Variants in PRDM15 observed in about 807,000 individuals in gnomAD.
PRDM15 encodes PR/SET domain 15.
Under a neutral mutation model 128.6 loss-of-function variants are expected in PRDM15, and 64 were observed. That is an observed-to-expected ratio of 0.50 (90% CI 0.41 to 0.61). The LOEUF is 0.61. Ranked by LOEUF, PRDM15 falls within the 20% of genes least tolerant of loss-of-function variation. PRDM15 has a pLI of 0.00. For missense variants in PRDM15, 1,242 were observed against 1,569.1 expected (o/e 0.79, Z 3.52); for synonymous variants, 615 against 621.8 (o/e 0.99, Z 0.16).
At chr21:41,822,546 GTGAGGCCAA>G (rs1313541826) in intron 14 of PRDM15, among the ~76,000 whole-genome samples, 1 of 152,274 alleles carries the variant, frequency 6.6e-6, no homozygotes, top group Non-Finnish European at 1.5e-5. Context: ...GCCACAGGAG[GTGAGGCCAA>G]TGCAGTCACA....
intron 5 of PRDM15, among the ~76,000 whole-genome samples, chr21:41,852,778 A>G (rs1048696503): frequency 3.9e-5 from 6 of 152,042 alleles, no homozygotes; most frequent in African/African-American, 4.8e-5. Flanking sequence ...CAGCCCTCAC[A>G]TGGCCCATAG....
chr21:41,852,254 A>G (rs982918481), intron 5 of PRDM15, among the ~76,000 whole-genome samples: 1 of 152,264 alleles, frequency 6.6e-6, no homozygotes, highest in African/African-American at 2.4e-5. Context: ...ACAAGGGGGT[A>G]AACGGCCAAG....
At chr21:41,833,983 G>A (rs559652224) in intron 11 of PRDM15, among the ~76,000 whole-genome samples, 1 of 152,342 alleles carries the variant, frequency 6.6e-6, no homozygotes, top group African/African-American at 2.4e-5. Flanking sequence ...CAAGATGAAG[G>A]TTCATCTGTC....
chr21:41,822,037 C>A lies in PRDM15; in HGVS notation c.1762G>T (p.Asp588Tyr), dbSNP rs765998166. Residue 588 changes from aspartate to tyrosine, a missense_variant and splice_region_variant, in exon 15 of 24, where the codon GAC becomes TAC. Asp to Tyr is a radical substitution (Grantham distance 160, BLOSUM62 -3). Around this residue, in one of 3 missense-constraint regions of PRDM15, gnomAD observed 602 missense variants for 788.3 expected, o/e 0.76. Transcript: ENST00000398548. The stretch of plus-strand genomic sequence containing the variant: ...TGGTGGTCATCCATCAACGCGATGT[C>A]CTGGAAAACAGCCACCACTTCCGGT... Reference protein sequence around the residue: ...LRDHIHVHFKDIALMDDHQRE... With the variant: ...LRDHIHVHFKYIALMDDHQRE... The A allele has an allele frequency of 6.2e-7, 1 of 1,613,968 alleles. No homozygotes were observed. Among genetic ancestry groups the A allele is most frequent in the Non-Finnish European group, 8.5e-7 (1 of 1,180,040 alleles).
Position 41,810,713 on chromosome 21 carries a change from C to T in PRDM15, c.2476+40G>A, listed in dbSNP as rs778873569. On this transcript the variant is annotated intron_variant, in intron 20 of 23. Coordinates refer to ENST00000398548, the MANE Select transcript of PRDM15 (RefSeq NM_001040424.3). The surrounding 1 kb of genome is among the most constrained non-coding windows in gnomAD (Gnocchi z 6.4). ...CACTCAGACAGCCCCGGCAGCCTGC[C>T]GCGTGCGCCCCGAAGGCTCCTTCAG... The T allele has an allele frequency of 2.1e-5, 33 of 1,548,738 alleles. No homozygotes were observed. Among genetic ancestry groups the T allele is most frequent in the African/African-American group, 6.8e-5 (5 of 73,706 alleles).
chr21:41,851,151 A>G (rs1284228840), intron 5 of PRDM15, among the ~76,000 whole-genome samples: 1 of 151,946 alleles, frequency 6.6e-6, no homozygotes, highest in Non-Finnish European at 1.5e-5. Context: ...CTTTTCTCCC[A>G]CCATGCAGCA....
chr21:41,815,573 T>C (rs956241921), intron 19 of PRDM15, 132 bp downstream of exon 19: 7 of 1,282,090 alleles, frequency 5.5e-6, no homozygotes, highest in East Asian at 4.9e-5. Flanking sequence ...GGAAGCTCTC[T>C]TGGGGAACCC....
chr21:41,818,521 T>TGCTG (rs924052139), intron 18 of PRDM15, among the ~76,000 whole-genome samples: 9 of 152,230 alleles, frequency 5.9e-5, no homozygotes, highest in African/African-American at 2.2e-4. Flanking sequence ...CAAGAGCCTG[T>TGCTG]GCTGGCCTCT....
At chr21:41,805,055 C>T (rs548734474) in intron 21 of PRDM15, among the ~76,000 whole-genome samples, 2 of 152,232 alleles carry the variant, frequency 1.3e-5, no homozygotes, top group Admixed American at 6.5e-5. Flanking sequence ...TGAATCCATA[C>T]ACAAGTGCTT....
Position 41,800,823 on chromosome 21 carries a change from T to C in PRDM15, c.*417A>G, listed in dbSNP as rs753710831. The C allele has an allele frequency of 7.9e-5, 13 of 164,430 alleles. No homozygotes were observed. The highest frequency in any genetic ancestry group is 1.2e-4 in the African/African-American group (5 of 42,048). 10.2% of individuals were successfully genotyped at this position (164,430 alleles called of 1,614,324 possible). On this transcript the variant is annotated 3_prime_UTR_variant, in exon 24 of 24. Coordinates refer to ENST00000398548, the MANE Select transcript of PRDM15 (RefSeq NM_001040424.3). ...CCTGTGAATACTGTCTGTGTTCTCA[T>C]AGGAACCGAGCTCTAAAAGAAAAAA...
At chr21:41,878,554 AG>A (rs1455552617) in intron 1 of PRDM15, 5 of 452,960 alleles carry the variant, frequency 1.1e-5, no homozygotes. Flanking sequence ...GCCTCACCTG[AG>A]CGGCCGGGCA....
At position 41,820,184 on chromosome 21, in the gene PRDM15, G is replaced by T; in HGVS notation, c.2061-10C>A. The T allele has an allele frequency of 6.2e-7, 1 of 1,612,742 alleles. No individual in the cohort carries two copies. ...GCAGGGGTGGATGTACCTGAAACCA[G>T]AGACAAGCTCAGGATGGCCGCACAG... On this transcript the variant is annotated splice_polypyrimidine_tract_variant and intron_variant, in intron 16 of 23. Transcript: ENST00000398548.
intron 1 of PRDM15, among the ~76,000 whole-genome samples, chr21:41,864,492 C>T (rs1405566876): frequency 2.0e-5 from 3 of 151,700 alleles, no homozygotes; most frequent in Non-Finnish European, 4.4e-5. Context: ...AAAGTAAAAA[C>T]ATCTGGATGC....
intron 6 of PRDM15, among the ~76,000 whole-genome samples, chr21:41,840,955 A>G (rs910727988): frequency 6.6e-6 from 1 of 152,222 alleles, no homozygotes; most frequent in Non-Finnish European, 1.5e-5. Context: ...AGTAAAATGA[A>G]GAGCTGCAAA....
chr21:41,874,734 G>T (rs2064350385), intron 1 of PRDM15: 1 of 151,936 alleles, frequency 6.6e-6, no homozygotes, highest in Admixed American at 6.6e-5. Context: ...CTTAGTCAAG[G>T]TTTACTGATG....
intron 1 of PRDM15, among the ~76,000 whole-genome samples, chr21:41,876,848 C>T (rs998275501): frequency 3.9e-5 from 6 of 152,218 alleles, no homozygotes; most frequent in African/African-American, 1.2e-4. Context: ...CTTCTGCCTC[C>T]GAGTTCTGTG....
chr21:41,806,789 T>C (rs1338897493), intron 21 of PRDM15, among the ~76,000 whole-genome samples: 2 of 131,500 alleles, frequency 1.5e-5, no homozygotes, highest in Admixed American at 7.5e-5. Flanking sequence ...CCATCACCAT[T>C]ACCACCATCA....
chr21:41,815,687 C>T lies in PRDM15; in HGVS notation c.2392+18G>A. The T allele has an allele frequency of 6.2e-7, 1 of 1,611,310 alleles. No individual in the cohort carries two copies. Among genetic ancestry groups the T allele is most frequent in the South Asian group, 1.1e-5 (1 of 91,018 alleles). On this transcript the variant is annotated intron_variant, in intron 19 of 23. Coordinates refer to ENST00000398548, the MANE Select transcript of PRDM15 (RefSeq NM_001040424.3). The stretch of plus-strand genomic sequence containing the variant: ...ACAGTGAGCGCCGTGGCTGGCGCGG[C>T]CCGGGCCTCGGACTCACCCGTGTGC...
chr21:41,879,049 C>A lies in PRDM15; in HGVS notation c.-10+221G>T. The A allele has an allele frequency of 8.9e-7, 1 of 1,125,516 alleles. No homozygotes were observed. Among genetic ancestry groups the A allele is most frequent in the South Asian group, 2.0e-5 (1 of 50,816 alleles). 69.7% of individuals were successfully genotyped at this position (1,125,516 alleles called of 1,614,324 possible). Reference sequence around the variant, plus strand: ...CCCGGAGCGGCTCCGGGAAATCCAGCCGGGTTTTGACTCCGATCGCCAACG... The same window carrying A: ...CCCGGAGCGGCTCCGGGAAATCCAGACGGGTTTTGACTCCGATCGCCAACG... On this transcript the variant is annotated intron_variant, in intron 1 of 23. Transcript: ENST00000398548. The surrounding 1 kb of genome is among the most constrained non-coding windows in gnomAD (Gnocchi z 5.1).
Sources: gnomAD v4.1 joint callset for allele counts (sites outside exome capture counted in the v4.1 genomes callset) on GRCh38, gnomAD v4.1.1 for gene constraint, gnomAD v4.1.1 regional missense constraint, Gnocchi (gnomAD v3.1) non-coding constraint, MANE v1.5 for transcripts, NCBI Gene and HGNC (gene_info 2026-07-23, HGNC 2026-07-21) for gene names.